DPYD: variants seen among roughly 807,000 people sequenced by gnomAD.
DPYD encodes dihydropyrimidine dehydrogenase.
In DPYD, 109 loss-of-function variants were observed where a neutral mutation model predicts 116.2. The ratio of observed to expected loss-of-function variants is 0.94; its 90% CI spans 0.80 to 1.10. DPYD has a LOEUF of 1.10. Among genes scored for constraint, DPYD ranks in the 50% least tolerant of loss-of-function variants. The pLI, the probability that DPYD is intolerant of heterozygous loss-of-function variation, is 0.00. For synonymous variants in DPYD, 440 were observed against 432.0 expected (o/e 1.02, Z -0.23); for missense variants, 1,302 against 1,254.5 (o/e 1.04, Z -0.57).
At chr1:97,763,390 A>C (rs974420035) in intron 3 of DPYD, among the ~76,000 whole-genome samples, 43 of 151,842 alleles carry the variant, frequency 2.8e-4, no homozygotes, top group Non-Finnish European at 5.2e-4. Flanking sequence ...GCACAATACA[A>C]ACTTCTTAAA....
At chr1:97,623,202 G>A (rs1656726470) in intron 8 of DPYD, among the ~76,000 whole-genome samples, 1 of 152,012 alleles carries the variant, frequency 6.6e-6, no homozygotes, top group African/African-American at 2.4e-5. Flanking sequence ...GAAGCAGAGA[G>A]GTAAGAATTA....
At chr1:97,245,039 C>G (rs960403174) in intron 18 of DPYD, among the ~76,000 whole-genome samples, 5 of 152,008 alleles carry the variant, frequency 3.3e-5, no homozygotes, top group African/African-American at 4.8e-5. Flanking sequence ...GAATTCAAAG[C>G]CAGTGGCAAT....
intron 3 of DPYD, among the ~76,000 whole-genome samples, chr1:97,748,723 G>T (rs774393543): frequency 9.2e-5 from 14 of 152,178 alleles, no homozygotes; most frequent in African/African-American, 1.2e-4. Context: ...CTCAGTCACT[G>T]TACTTCAGGA....
At chr1:97,473,544 G>A (rs757116658) in intron 13 of DPYD, among the ~76,000 whole-genome samples, 3 of 152,126 alleles carry the variant, frequency 2.0e-5, no homozygotes, top group Admixed American at 6.5e-5. Flanking sequence ...GTGCTCAATA[G>A]TTCCAATCAC....
chr1:97,613,877 G>T (rs1316668622), intron 8 of DPYD, among the ~76,000 whole-genome samples: 1 of 151,938 alleles, frequency 6.6e-6, no homozygotes, highest in African/African-American at 2.4e-5. Flanking sequence ...TTTCCTTTGT[G>T]CATACATACA....
At chr1:97,710,258 C>A (rs1202605325) in intron 5 of DPYD, among the ~76,000 whole-genome samples, 1 of 151,720 alleles carries the variant, frequency 6.6e-6, no homozygotes, top group Non-Finnish European at 1.5e-5. Flanking sequence ...TTTGTGCATC[C>A]AAAAGTAAGT....
intron 5 of DPYD, chr1:97,721,067 C>T (rs1486686594): frequency 7.9e-7 from 1 of 1,260,854 alleles, no homozygotes. Flanking sequence ...TACTTAGTTT[C>T]AGGGTTTTTG....
chr1:97,758,089 CT>C (rs760340195), intron 3 of DPYD, among the ~76,000 whole-genome samples: 1 of 152,104 alleles, frequency 6.6e-6, no homozygotes, highest in Admixed American at 6.6e-5. Flanking sequence ...TAAATAAACT[CT>C]TGAGGGAAGA....
In DPYD at chr1:97,639,039, CT is replaced by C. The variant is rs200699565; in HGVS notation, c.850+40055del. Among the ~76,000 whole-genome samples, 1,389 of 152,156 alleles carry C rather than the reference CT, an allele frequency of 9.1e-3. 17 individuals carry two copies. The highest frequency in any genetic ancestry group is 0.015 in the Admixed American group (227 of 15,278). ...ACATATTTTTAGCCACAGAACAGTC[CT>C]GCATTGTTACCCATCAGCAGTGTAG... On this transcript the variant is annotated intron_variant, in intron 8 of 22. Transcript: ENST00000370192.
intron 2 of DPYD, among the ~76,000 whole-genome samples, chr1:97,830,858 G>C (rs778654324): frequency 6.6e-6 from 1 of 152,280 alleles, no homozygotes; most frequent in Admixed American, 6.5e-5. Context: ...GTGTTTCAGA[G>C]TACCTTCACT....
intron 3 of DPYD, among the ~76,000 whole-genome samples, chr1:97,765,853 G>T (rs1346974221): frequency 6.6e-6 from 1 of 152,176 alleles, no homozygotes; most frequent in Non-Finnish European, 1.5e-5. Context: ...TGATGCAAAA[G>T]CTAAAAAGAC....
intron 13 of DPYD, among the ~76,000 whole-genome samples, chr1:97,463,792 T>G (rs1677151454): frequency 6.6e-6 from 1 of 152,194 alleles, no homozygotes; most frequent in Admixed American, 6.5e-5. Flanking sequence ...ATTTTGCCCC[T>G]GCCCTAGAGA....
intron 14 of DPYD, among the ~76,000 whole-genome samples, chr1:97,440,884 C>T (rs545669122): frequency 6.6e-6 from 1 of 151,972 alleles, no homozygotes; most frequent in Non-Finnish European, 1.5e-5. Context: ...GCAGTGTAGA[C>T]CTCCTTTTAT....
intron 18 of DPYD, among the ~76,000 whole-genome samples, chr1:97,242,679 C>T (rs1412160478): frequency 2.6e-5 from 4 of 151,602 alleles, no homozygotes; most frequent in Non-Finnish European, 5.9e-5. Flanking sequence ...TCCTAAAATT[C>T]ACCTTACGAG....
At chr1:97,916,826 A>C (rs1347031307) in intron 1 of DPYD, among the ~76,000 whole-genome samples, 1 of 152,146 alleles carries the variant, frequency 6.6e-6, no homozygotes, top group African/African-American at 2.4e-5. Flanking sequence ...CGGGCAATAT[A>C]CTGAGACCCC....
intron 2 of DPYD, among the ~76,000 whole-genome samples, chr1:97,851,855 C>G (rs1670585067): frequency 6.6e-6 from 1 of 151,678 alleles, no homozygotes; most frequent in African/African-American, 2.4e-5. Flanking sequence ...AAAACCAGGA[C>G]TGTAAAAAAG....
intron 20 of DPYD, 97 bp downstream of exon 20, chr1:97,192,972 T>A (rs568403376): frequency 2.2e-6 from 3 of 1,394,724 alleles, no homozygotes; most frequent in South Asian, 2.4e-5. Context: ...AGGCACTGTG[T>A]TTCCTTTGTT....
intron 14 of DPYD, among the ~76,000 whole-genome samples, chr1:97,425,966 A>T (rs1674844218): frequency 6.6e-6 from 1 of 151,914 alleles, no homozygotes; most frequent in African/African-American, 2.4e-5. Context: ...AAAAAAAACA[A>T]CATTTGTCAG....
chr1:97,216,794 AAAC>A (rs1183406738), intron 19 of DPYD, among the ~76,000 whole-genome samples: 3 of 151,636 alleles, frequency 2.0e-5, no homozygotes, highest in East Asian at 2.0e-4. Context: ...CACTCGTCTC[AAAC>A]AACAACAACA....
Sources: allele counts gnomAD v4.1 joint callset (sites outside exome capture counted in the v4.1 genomes callset), GRCh38; gene constraint gnomAD v4.1.1; transcripts MANE v1.5; gene names NCBI Gene and HGNC (gene_info 2026-07-23, HGNC 2026-07-21).